The following GREB1L variants were observed in gnomAD, a reference collection of about 807,000 sequenced individuals.
GREB1L encodes GREB1 like retinoic acid receptor coactivator, also known as GREB1-like protein.
A neutral mutation model predicts 200.8 loss-of-function variants in GREB1L; 17 were observed. The ratio of observed to expected loss-of-function variants is 0.08; its 90% CI spans 0.06 to 0.13. The LOEUF is 0.13. GREB1L is among the 10% of genes least tolerant of loss of function. GREB1L has a pLI of 1.00. For synonymous variants in GREB1L, 789 were observed against 893.0 expected (o/e 0.88, Z 2.08); for missense variants, 1,657 against 2,367.7 (o/e 0.70, Z 6.23).
Position 21,271,749 on chromosome 18 carries a change from G to A in GREB1L, c.-120+29356G>A, listed in dbSNP as rs189449585. On this transcript the variant is annotated intron_variant, in intron 1 of 32. Transcript: ENST00000424526. The stretch of plus-strand genomic sequence containing the variant: ...GTTTAAGTTAAGTAGAGGGGAAAAA[G>A]GGATGATGCCAGCCATGCAGGTTTC... Among the ~76,000 whole-genome samples the A allele has an allele frequency of 6.0e-3, 907 of 152,090 alleles. 7 individuals carry two copies. The highest frequency in any genetic ancestry group is 8.2e-3 in the Non-Finnish European group (559 of 67,978).
intron 1 of GREB1L, among the ~76,000 whole-genome samples, chr18:21,251,732 G>T (rs768966584): frequency 6.6e-6 from 1 of 152,266 alleles, no homozygotes; most frequent in Middle Eastern, 3.4e-3. Flanking sequence ...AGATCACAAG[G>T]TCAGGAGTAC....
At chr18:21,348,861 C>T (rs1320736563) in intron 1 of GREB1L, among the ~76,000 whole-genome samples, 5 of 152,200 alleles carry the variant, frequency 3.3e-5, no homozygotes, top group African/African-American at 1.2e-4. Context: ...GGGACAATTA[C>T]TTAAGCCAAG....
chr18:21,421,587 A>T (rs2144877934), intron 7 of GREB1L, among the ~76,000 whole-genome samples: 1 of 152,340 alleles, frequency 6.6e-6, no homozygotes, highest in South Asian at 2.1e-4. Flanking sequence ...GCTCATAAAG[A>T]CTTAAGCTCT....
At chr18:21,456,134 G>C (rs1463652207) in intron 15 of GREB1L, among the ~76,000 whole-genome samples, 1 of 151,990 alleles carries the variant, frequency 6.6e-6, no homozygotes, top group Non-Finnish European at 1.5e-5. Context: ...TTGAACCCCT[G>C]ACCTCAAGTG....
chr18:21,270,684 A>G (rs1253709816), intron 1 of GREB1L, among the ~76,000 whole-genome samples: 4 of 152,246 alleles, frequency 2.6e-5, no homozygotes, highest in Non-Finnish European at 5.9e-5. Flanking sequence ...ACAGGCTGCC[A>G]GGCAACCTTA....
chr18:21,455,713 C>G (rs377585379), intron 15 of GREB1L, among the ~76,000 whole-genome samples: 4 of 151,016 alleles, frequency 2.6e-5, no homozygotes, highest in Non-Finnish European at 5.9e-5. Flanking sequence ...ATTTTACTTT[C>G]AATATATTTA....
intron 1 of GREB1L, among the ~76,000 whole-genome samples, chr18:21,332,235 C>A (rs1391337596): frequency 1.3e-5 from 2 of 152,178 alleles, no homozygotes; most frequent in African/African-American, 4.8e-5. Flanking sequence ...ACTGTTGAAG[C>A]ATGGTGTAGG....
intron 1 of GREB1L, among the ~76,000 whole-genome samples, chr18:21,254,609 T>A (rs1436242852): frequency 6.6e-6 from 1 of 152,096 alleles, no homozygotes; most frequent in Non-Finnish European, 1.5e-5. Context: ...TAAACAGTAA[T>A]GAGTTGGTTA....
chr18:21,474,646 T>G (rs1037352322), intron 16 of GREB1L, among the ~76,000 whole-genome samples: 1 of 152,124 alleles, frequency 6.6e-6, no homozygotes, highest in Non-Finnish European at 1.5e-5. Flanking sequence ...GCAGCTAGGA[T>G]GTGGGGCTCC....
chr18:21,373,999 A>G (rs1205267106), intron 2 of GREB1L, among the ~76,000 whole-genome samples: 2 of 151,136 alleles, frequency 1.3e-5, no homozygotes, highest in African/African-American at 4.9e-5. Flanking sequence ...AACATGCTTC[A>G]TTAGTTCTTT....
chr18:21,439,591 G>A lies in GREB1L; in HGVS notation c.903G>A (p.Gly301=), dbSNP rs749894373. The change falls in exon 8 of 33, where the codon GGG becomes GGA. Residue 301 remains glycine, a synonymous_variant. Transcript: ENST00000424526. Reference sequence around the variant, plus strand: ...CCAGCTCCACTCCAGCCCACACAGGGAATTACTCTTTGTCACCACGACCTA... The same window carrying A: ...CCAGCTCCACTCCAGCCCACACAGGAAATTACTCTTTGTCACCACGACCTA... ...SASSSTPAHT[G]NYSLSPRPSY... is the part of the protein sequence containing the mutation. 8 of 1,552,122 alleles carry A rather than the reference G, an allele frequency of 5.2e-6. No individual in the cohort carries two copies. Among genetic ancestry groups the A allele is most frequent in the Non-Finnish European group, 6.1e-6 (7 of 1,146,940 alleles).
intron 1 of GREB1L, among the ~76,000 whole-genome samples, chr18:21,347,696 A>T (rs1253611690): frequency 6.8e-6 from 1 of 147,884 alleles, no homozygotes; most frequent in Non-Finnish European, 1.5e-5. Context: ...ACCTCAGGTG[A>T]TCCACCCATC....
intron 1 of GREB1L, among the ~76,000 whole-genome samples, chr18:21,326,342 A>G (rs1180066256): frequency 6.6e-6 from 1 of 152,206 alleles, no homozygotes; most frequent in Admixed American, 6.5e-5. Flanking sequence ...GAGCTAAGAA[A>G]TAGTAGATTA....
At chr18:21,475,695 G>A (rs566586699) in intron 16 of GREB1L, among the ~76,000 whole-genome samples, 222 of 151,952 alleles carry the variant, frequency 1.5e-3, no homozygotes, top group African/African-American at 4.8e-3. Context: ...GGCAGGGTGC[G>A]GTGGCTCACA....
intron 1 of GREB1L, among the ~76,000 whole-genome samples, chr18:21,271,649 C>CAAAA (rs1191889292): frequency 7.7e-5 from 4 of 51,922 alleles, no homozygotes; most frequent in Non-Finnish European, 1.2e-4. Flanking sequence ...GACCCTGTCT[C>CAAAA]AAAAAAAAAA....
intron 1 of GREB1L, among the ~76,000 whole-genome samples, chr18:21,252,454 G>A (rs1870405049): frequency 6.6e-6 from 1 of 151,850 alleles, no homozygotes; most frequent in African/African-American, 2.4e-5. Context: ...CTACTCGGGA[G>A]GCTGAGGCAA....
chr18:21,470,253 ACTCAGCG>A, intron 15 of GREB1L, among the ~76,000 whole-genome samples: 1 of 152,294 alleles, frequency 6.6e-6, no homozygotes, highest in Non-Finnish European at 1.5e-5. Flanking sequence ...ACACGACTGC[ACTCAGCG>A]TGGGTGACAG....
At chr18:21,329,490 G>A (rs1468620347) in intron 1 of GREB1L, among the ~76,000 whole-genome samples, 1 of 151,622 alleles carries the variant, frequency 6.6e-6, no homozygotes, top group Non-Finnish European at 1.5e-5. Flanking sequence ...AAGGATAATT[G>A]TGGGCAAAAA....
At chr18:21,276,290 A>C (rs776934836) in intron 1 of GREB1L, among the ~76,000 whole-genome samples, 1 of 152,120 alleles carries the variant, frequency 6.6e-6, no homozygotes, top group Non-Finnish European at 1.5e-5. Flanking sequence ...TCTGACCTTC[A>C]TCAATACCTA....
Sources: gnomAD v4.1 joint callset for allele counts (sites outside exome capture counted in the v4.1 genomes callset) on GRCh38, gnomAD v4.1.1 for gene constraint, MANE v1.5 for transcripts, NCBI Gene and HGNC (gene_info 2026-07-23, HGNC 2026-07-21) for gene names.